Variants in CTNNA2 observed in about 807,000 individuals in gnomAD.
CTNNA2 encodes the protein catenin alpha-2.
A neutral mutation model predicts 101.0 loss-of-function variants in CTNNA2; 42 were observed. That is an observed-to-expected ratio of 0.42 (90% CI 0.32 to 0.54). CTNNA2 has a LOEUF of 0.54. CTNNA2 is among the 20% of genes least tolerant of loss of function. The pLI is 0.14. For missense variants in CTNNA2, 871 were observed against 1,223.1 expected, an observed-to-expected ratio of 0.71 and a Z score of 4.29; for synonymous variants, 450 against 456.4, an observed-to-expected ratio of 0.99 and a Z score of 0.18.
At chr2:80,091,480 T>C (rs375608180) in intron 7 of CTNNA2, among the ~76,000 whole-genome samples, 1 of 152,040 alleles carries the variant, frequency 6.6e-6, no homozygotes, top group East Asian at 1.9e-4. Flanking sequence ...CAGAGAAAGG[T>C]TGTAAAAACG....
intron 9 of CTNNA2, among the ~76,000 whole-genome samples, chr2:80,507,909 T>C (rs1368898): frequency 0.67 from 101,444 of 152,036 alleles, 34,328 homozygotes; most frequent in African/African-American, 0.69. Context: ...TTAATGAGCA[T>C]TGAGTCCTGT....
intron 3 of CTNNA2, among the ~76,000 whole-genome samples, chr2:79,323,855 G>A (rs1463949212): frequency 6.6e-6 from 1 of 152,052 alleles, no homozygotes; most frequent in East Asian, 1.9e-4. Context: ...TCTTACCTAT[G>A]GCCATTGTTA....
chr2:80,441,402 A>G (rs1682558546), intron 9 of CTNNA2, among the ~76,000 whole-genome samples: 1 of 152,184 alleles, frequency 6.6e-6, no homozygotes, highest in Admixed American at 6.5e-5. Flanking sequence ...GAAGTTGAAG[A>G]GATGCAGTTT....
At chr2:79,748,834 A>G (rs1352728978) in intron 3 of CTNNA2, among the ~76,000 whole-genome samples, 1 of 152,108 alleles carries the variant, frequency 6.6e-6, no homozygotes, top group African/African-American at 2.4e-5. Flanking sequence ...AGAATATTCC[A>G]GTAGAAGATT....
At chr2:79,469,433 C>T (rs375408426) in intron 4 of CTNNA2, among the ~76,000 whole-genome samples, 10 of 152,116 alleles carry the variant, frequency 6.6e-5, no homozygotes, top group Admixed American at 1.3e-4. Flanking sequence ...GATTCACAGC[C>T]GAATTCTACC....
At chr2:79,775,849 G>T (rs1673924027) in intron 3 of CTNNA2, among the ~76,000 whole-genome samples, 1 of 152,098 alleles carries the variant, frequency 6.6e-6, no homozygotes, top group East Asian at 1.9e-4. Context: ...TTTATTTCTT[G>T]TTGCATTTCT....
chr2:80,084,930 G>T (rs952826545), intron 7 of CTNNA2, among the ~76,000 whole-genome samples: 2 of 152,078 alleles, frequency 1.3e-5, no homozygotes, highest in African/African-American at 4.8e-5. Flanking sequence ...ACATTACAAG[G>T]TGGAGTTTTG....
intron 18 of CTNNA2, among the ~76,000 whole-genome samples, chr2:80,644,464 CTTTATTCTAATATCT>C (rs1211265638): frequency 6.6e-6 from 1 of 152,104 alleles, no homozygotes; most frequent in African/African-American, 2.4e-5. Context: ...TGCCATGCAG[CTTTATTCTAATATCT>C]TTTCTTTAGG....
intron 2 of CTNNA2, among the ~76,000 whole-genome samples, chr2:79,265,609 A>G (rs1674977415): frequency 6.6e-6 from 1 of 152,214 alleles, no homozygotes; most frequent in Admixed American, 6.5e-5. Flanking sequence ...AAATTCAATG[A>G]GGCTTGAGGC....
chr2:79,442,012 T>G (rs1678783326), intron 4 of CTNNA2, among the ~76,000 whole-genome samples: 1 of 152,202 alleles, frequency 6.6e-6, no homozygotes, highest in Non-Finnish European at 1.5e-5. Context: ...TATTTGTGAC[T>G]AATTAGCTAT....
intron 8 of CTNNA2, among the ~76,000 whole-genome samples, chr2:80,414,774 T>C (rs893577447): frequency 6.6e-6 from 1 of 152,214 alleles, no homozygotes; most frequent in Non-Finnish European, 1.5e-5. Context: ...ATCTTTCTGC[T>C]TAAATCAGCT....
intron 8 of CTNNA2, among the ~76,000 whole-genome samples, chr2:80,419,238 A>G (rs1458409012): frequency 2.0e-5 from 3 of 152,174 alleles, no homozygotes; most frequent in African/African-American, 7.2e-5. Context: ...CCATTATGTA[A>G]CTTTCAAGTT....
chr2:79,583,244 A>G (rs929857181), intron 1 of CTNNA2, among the ~76,000 whole-genome samples: 1 of 151,602 alleles, frequency 6.6e-6, no homozygotes, highest in Non-Finnish European at 1.5e-5. Flanking sequence ...CAACAAAGGA[A>G]GACTTTGCCT....
intron 7 of CTNNA2, among the ~76,000 whole-genome samples, chr2:80,023,307 T>C (rs1301127956): frequency 2.0e-5 from 3 of 152,238 alleles, no homozygotes; most frequent in Non-Finnish European, 2.9e-5. Context: ...GTGGTGGTTG[T>C]TACTAAAGTT....
At chr2:79,672,086 G>A (rs1313697116) in intron 2 of CTNNA2, among the ~76,000 whole-genome samples, 5 of 151,634 alleles carry the variant, frequency 3.3e-5, no homozygotes, top group African/African-American at 1.2e-4. Flanking sequence ...GGTCAAAAAT[G>A]CCTATTTTCT....
intron 18 of CTNNA2, among the ~76,000 whole-genome samples, chr2:80,623,295 A>G (rs1671333769): frequency 6.6e-6 from 1 of 151,880 alleles, no homozygotes. Flanking sequence ...ACTAGTAACT[A>G]TGATGATAGT....
intron 7 of CTNNA2, among the ~76,000 whole-genome samples, chr2:80,050,863 G>GT (rs1357210896): frequency 6.6e-6 from 1 of 152,050 alleles, no homozygotes; most frequent in Admixed American, 6.6e-5. Flanking sequence ...TTACAGGCAT[G>GT]TACCACCAAA....
At chr2:79,942,579 G>T (rs199670781) in intron 7 of CTNNA2, among the ~76,000 whole-genome samples, 1 of 152,200 alleles carries the variant, frequency 6.6e-6, no homozygotes, top group African/African-American at 2.4e-5. Flanking sequence ...TAGGAACAGT[G>T]TGCCAAATGA....
chr2:80,248,514 T>A (rs1179860729), intron 7 of CTNNA2, among the ~76,000 whole-genome samples: 1 of 152,230 alleles, frequency 6.6e-6, no homozygotes, highest in Non-Finnish European at 1.5e-5. Flanking sequence ...CATTAAAAAT[T>A]GTTTTATCCC....
Sources: allele counts gnomAD v4.1 joint callset (sites outside exome capture counted in the v4.1 genomes callset), GRCh38; gene constraint gnomAD v4.1.1; transcripts MANE v1.5; gene names NCBI Gene and HGNC (gene_info 2026-07-23, HGNC 2026-07-21).